DAAM2: variants seen among roughly 807,000 people sequenced by gnomAD.
The protein encoded by DAAM2 is dishevelled associated activator of morphogenesis 2.
A neutral mutation model predicts 120.7 loss-of-function variants in DAAM2; 39 were observed. The observed-to-expected ratio is 0.32, with a 90% CI of 0.25 to 0.42. The LOEUF (loss-of-function observed/expected upper bound fraction) is 0.42, where lower values mean the gene tolerates loss of function less well. Ranked by LOEUF, DAAM2 falls within the 10% of genes least tolerant of loss-of-function variation. The pLI, the probability that DAAM2 is intolerant of heterozygous loss-of-function variation, is 1.00. For synonymous variants in DAAM2, 488 were observed against 524.9 expected, an observed-to-expected ratio of 0.93 and a Z score of 0.96; for missense variants, 1,283 against 1,401.7, an observed-to-expected ratio of 0.92 and a Z score of 1.35.
chr6:39,834,771 A>G (rs1207203783), intron 1 of DAAM2, among the ~76,000 whole-genome samples: 5 of 152,192 alleles, frequency 3.3e-5, no homozygotes, highest in African/African-American at 9.6e-5. Flanking sequence ...TCACATTTCC[A>G]AAAGCTCCAA....
At chr6:39,871,622 G>A in intron 9 of DAAM2, 50 bp downstream of exon 9, 2 of 1,512,936 alleles carry the variant, frequency 1.3e-6, no homozygotes, top group Non-Finnish European at 1.8e-6. Flanking sequence ...TAGGGTTCTT[G>A]GTGGCCCCAC....
At chr6:39,844,943 CAT>C (rs1185141967) in intron 1 of DAAM2, among the ~76,000 whole-genome samples, 2 of 151,306 alleles carry the variant, frequency 1.3e-5, no homozygotes, top group African/African-American at 4.9e-5. Context: ...ACACACCACA[CAT>C]ATACACCATA....
Position 39,901,496 on chromosome 6 carries a change from GAC to G in DAAM2, c.2982+25_2982+26del. Reference sequence around the variant, plus strand: ...TGGTGAGGGGCAGTGCCAGGCCTGGGACTGAGGGGAGACGGGTGCTACTTGGG... The same window carrying G: ...TGGTGAGGGGCAGTGCCAGGCCTGGGTGAGGGGAGACGGGTGCTACTTGGG... On this transcript the variant is annotated intron_variant, in intron 24 of 24. Transcript: ENST00000274867. The surrounding 1 kb of genome is among the most constrained non-coding windows in gnomAD (Gnocchi z 4.5). 1 of 1,593,554 alleles carries G rather than the reference GAC, an allele frequency of 6.3e-7. No homozygotes were observed. Among genetic ancestry groups the G allele is most frequent in the Non-Finnish European group, 8.5e-7 (1 of 1,175,034 alleles).
chr6:39,852,600 G>A (rs111655534), intron 1 of DAAM2, among the ~76,000 whole-genome samples: 23 of 152,320 alleles, frequency 1.5e-4, no homozygotes, highest in African/African-American at 4.3e-4. Flanking sequence ...GCAGGGTGGC[G>A]CTTCCTCTAG....
At chr6:39,887,389 G>A in intron 15 of DAAM2, 97 bp from the exon 16 acceptor site, 1 of 772,880 alleles carries the variant, frequency 1.3e-6, no homozygotes. Context: ...CACACCAGGA[G>A]CATTCCTGGA....
At chr6:39,838,552 T>C (rs1763196095) in intron 1 of DAAM2, among the ~76,000 whole-genome samples, 2 of 152,138 alleles carry the variant, frequency 1.3e-5, no homozygotes, top group Non-Finnish European at 2.9e-5. Flanking sequence ...GCCTACAAAT[T>C]AGTGTCACCT....
At chr6:39,871,674 G>C in intron 9 of DAAM2, 102 bp downstream of exon 9, 1 of 1,117,756 alleles carries the variant, frequency 8.9e-7, no homozygotes, top group African/African-American at 1.6e-5. Flanking sequence ...GGCTGGTGTG[G>C]GCTGGTTCCC....
rs1340225360 is a variant in DAAM2, at chr6:39,902,779, G to C, written c.*742G>C. The C allele has an allele frequency of 6.6e-6, 1 of 152,256 alleles. No homozygotes were observed. The highest frequency in any genetic ancestry group is 1.5e-5 in the Non-Finnish European group (1 of 68,118). The allele number at this position is 152,256 out of a possible 1,614,324, so 9.4% of individuals were successfully genotyped here. A position where few individuals can be genotyped will look rare whatever the true frequency, so the allele number is the denominator to read the frequency against. ...CCACAGTCCTAGAAGACTCACCTTGGGTTTCCACAGCTATGGCTCACTACC... is the reference window on the plus strand; with the variant it reads ...CCACAGTCCTAGAAGACTCACCTTGCGTTTCCACAGCTATGGCTCACTACC... On this transcript the variant is annotated 3_prime_UTR_variant, in exon 25 of 25. Transcript: ENST00000274867.
At chr6:39,816,724 A>C (rs1762321026) in intron 1 of DAAM2, among the ~76,000 whole-genome samples, 1 of 152,192 alleles carries the variant, frequency 6.6e-6, no homozygotes, top group African/African-American at 2.4e-5. Context: ...CAGCCTCTGG[A>C]TCACCCTTGA....
At chr6:39,893,193 G>A (rs1765841615) in intron 19 of DAAM2, among the ~76,000 whole-genome samples, 2 of 152,246 alleles carry the variant, frequency 1.3e-5, no homozygotes, top group South Asian at 4.1e-4. Context: ...TTTAATCTCA[G>A]ACAGTTTCCT....
At chr6:39,794,347 C>A (rs1171093690) in intron 1 of DAAM2, among the ~76,000 whole-genome samples, 1 of 152,204 alleles carries the variant, frequency 6.6e-6, no homozygotes, top group Admixed American at 6.5e-5. Context: ...TTCCTTTATG[C>A]AAACAACTGT....
Position 39,901,285 on chromosome 6 carries a change from G to A in DAAM2, c.2812-17G>A. On this transcript the variant is annotated splice_polypyrimidine_tract_variant and intron_variant, in intron 23 of 24. Coordinates refer to ENST00000274867, the MANE Select transcript of DAAM2 (RefSeq NM_001201427.2). The surrounding 1 kb of genome is among the most constrained non-coding windows in gnomAD (Gnocchi z 4.5). ...CTCCAGGGCACTCTCCACCAATCCT[G>A]TTCTGTCCCTTGACAGTTCGCCAAG... 1 of 1,609,316 alleles carries A rather than the reference G, an allele frequency of 6.2e-7. No individual in the cohort carries two copies. The highest frequency in any genetic ancestry group is 2.2e-5 in the East Asian group (1 of 44,854).
At position 39,879,483 on chromosome 6, in the gene DAAM2, C is replaced by T. The variant is rs779400064; in HGVS notation, c.1845+6C>T. 1.9e-6 allele frequency: 3 copies of T among 1,613,896 alleles called. No homozygotes were observed. The African/African-American group carries it at 4.0e-5, about 22-fold the overall frequency. Reference sequence around the variant, plus strand: ...ACTGGGTGAAGCTGAATGAGGTGAGCATCTGGGAAGGGGCTGGAGGGCCCA... The same window carrying T: ...ACTGGGTGAAGCTGAATGAGGTGAGTATCTGGGAAGGGGCTGGAGGGCCCA... On this transcript the variant is annotated splice_donor_region_variant and intron_variant, in intron 14 of 24. Coordinates refer to ENST00000274867, the MANE Select transcript of DAAM2 (RefSeq NM_001201427.2).
chr6:39,904,810 C>T lies in DAAM2; in HGVS notation c.*2773C>T, dbSNP rs1766734380. 2.2e-6 allele frequency: 1 copy of T among 454,034 alleles called. No homozygotes were observed. The highest frequency in any genetic ancestry group is 4.4e-6 in the Non-Finnish European group (1 of 226,780). 28.1% of individuals were successfully genotyped at this position (454,034 alleles called of 1,614,324 possible). A position where few individuals can be genotyped will look rare whatever the true frequency, so the allele number is the denominator to read the frequency against. On this transcript the variant is annotated 3_prime_UTR_variant, in exon 25 of 25. Transcript: ENST00000274867. Reference sequence around the variant, plus strand: ...CTACAGTGTCCTTTTTCACTTGCACCTTTTTTATAAGAATATATTGTAATA... The same window carrying T: ...CTACAGTGTCCTTTTTCACTTGCACTTTTTTTATAAGAATATATTGTAATA...
At chr6:39,806,867 A>G (rs1179722128) in intron 1 of DAAM2, among the ~76,000 whole-genome samples, 1 of 151,244 alleles carries the variant, frequency 6.6e-6, no homozygotes, top group Non-Finnish European at 1.5e-5. Context: ...AAAAGAAAAA[A>G]TCATGCTCAT....
At chr6:39,846,270 T>C (rs911994913) in intron 1 of DAAM2, among the ~76,000 whole-genome samples, 3 of 152,122 alleles carry the variant, frequency 2.0e-5, no homozygotes, top group Non-Finnish European at 4.4e-5. Context: ...GGTGGTTGGA[T>C]GAATAAATGA....
intron 1 of DAAM2, chr6:39,822,919 C>T (rs1377778244): frequency 2.0e-5 from 3 of 152,326 alleles, no homozygotes; most frequent in East Asian, 1.9e-4. Context: ...CCCAGAGACC[C>T]CTGGGAACAT....
At chr6:39,861,309 C>T in intron 3 of DAAM2, 1 of 441,722 alleles carries the variant, frequency 2.3e-6, no homozygotes, top group Non-Finnish European at 4.3e-6. Context: ...CTCTCTCGTG[C>T]CTGCTCCCAG....
intron 10 of DAAM2, among the ~76,000 whole-genome samples, chr6:39,874,773 C>A (rs1453368654): frequency 6.6e-6 from 1 of 152,188 alleles, no homozygotes; most frequent in Non-Finnish European, 1.5e-5. Flanking sequence ...ACACACTATG[C>A]CTTTACCTTC....
Sources: allele counts gnomAD v4.1 joint callset (sites outside exome capture counted in the v4.1 genomes callset), GRCh38; gene constraint gnomAD v4.1.1; non-coding constraint Gnocchi (gnomAD v3.1); transcripts MANE v1.5; gene names NCBI Gene and HGNC (gene_info 2026-07-23, HGNC 2026-07-21).